Variants in EYA4 observed in about 807,000 individuals in gnomAD.
EYA4 encodes protein phosphatase EYA4.
Under a neutral mutation model 87.9 loss-of-function variants are expected in EYA4, and 31 were observed. The ratio of observed to expected loss-of-function variants is 0.35; its 90% CI spans 0.27 to 0.48. EYA4 has a LOEUF of 0.48. EYA4 is among the 20% of genes least tolerant of loss of function. The pLI is 0.99. For missense variants in EYA4, 678 were observed against 761.4 expected (o/e 0.89, Z 1.29); for synonymous variants, 263 against 270.6 (o/e 0.97, Z 0.28).
intron 2 of EYA4, among the ~76,000 whole-genome samples, chr6:133,316,037 G>T (rs762668333): frequency 3.9e-5 from 6 of 152,100 alleles, no homozygotes; most frequent in Non-Finnish European, 8.8e-5. Context: ...AGGGCATCCC[G>T]CAGACCCTGG....
rs1237400416 is a variant in EYA4 at position 133,436,268 on chromosome 6, AC to A, written c.84-10361del. 1.1e-4 allele frequency among the ~76,000 whole-genome samples: 17 copies of A among 152,100 alleles called. 1 individual carries two copies. Among genetic ancestry groups the A allele is most frequent in the African/African-American group, 4.1e-4 (17 of 41,498 alleles). On this transcript the variant is annotated intron_variant, in intron 3 of 19. Coordinates refer to ENST00000355286, the MANE Select transcript of EYA4 (RefSeq NM_004100.5). ...TTTCCACATGCATTTCCATCAGAGA[AC>A]TAATTCCATCTCCCCTTACCTAGCC... is the stretch of plus-strand genomic sequence containing the variant.
At chr6:133,251,639 G>A (rs954067897) in intron 1 of EYA4, among the ~76,000 whole-genome samples, 5 of 152,082 alleles carry the variant, frequency 3.3e-5, no homozygotes, top group African/African-American at 1.2e-4. Flanking sequence ...ATTTTGGGCT[G>A]GATAATTTAT....
chr6:133,296,629 T>C (rs1037840289), intron 2 of EYA4, among the ~76,000 whole-genome samples: 4 of 152,166 alleles, frequency 2.6e-5, no homozygotes, highest in African/African-American at 9.7e-5. Context: ...CTAAGTATTA[T>C]GATGAGAAGC....
intron 2 of EYA4, among the ~76,000 whole-genome samples, chr6:133,347,329 G>C (rs567432012): frequency 6.6e-6 from 1 of 151,800 alleles, no homozygotes; most frequent in East Asian, 1.9e-4. Context: ...TACTTTATTA[G>C]GTTCTTGAGG....
chr6:133,320,549 AG>A (rs1421178969), intron 2 of EYA4, among the ~76,000 whole-genome samples: 1 of 151,222 alleles, frequency 6.6e-6, no homozygotes, highest in African/African-American at 2.4e-5. Flanking sequence ...TTATAAATTC[AG>A]GGGGTACATG....
At chr6:133,413,960 A>G (rs1298472044) in intron 3 of EYA4, among the ~76,000 whole-genome samples, 1 of 152,124 alleles carries the variant, frequency 6.6e-6, no homozygotes, top group Non-Finnish European at 1.5e-5. Flanking sequence ...CTCTCCTCGT[A>G]TTTAATCAAT....
chr6:133,407,308 T>G (rs986945917), intron 3 of EYA4, among the ~76,000 whole-genome samples: 1 of 151,742 alleles, frequency 6.6e-6, no homozygotes, highest in Non-Finnish European at 1.5e-5. Flanking sequence ...TTATTTAGAT[T>G]ATTCTACATA....
At chr6:133,469,571 C>A (rs1562458816) in intron 11 of EYA4, among the ~76,000 whole-genome samples, 1 of 151,824 alleles carries the variant, frequency 6.6e-6, no homozygotes, top group African/African-American at 2.4e-5. Flanking sequence ...ATTTTTGAAT[C>A]AGGATACAAA....
At chr6:133,496,505 A>G (rs1797659274) in intron 13 of EYA4, among the ~76,000 whole-genome samples, 2 of 152,260 alleles carry the variant, frequency 1.3e-5, no homozygotes, top group South Asian at 2.1e-4. Context: ...ACCCTTCCCC[A>G]TCATTCTTGG....
At chr6:133,269,251 T>G (rs75106170) in intron 1 of EYA4, among the ~76,000 whole-genome samples, 1 of 152,124 alleles carries the variant, frequency 6.6e-6, no homozygotes, top group African/African-American at 2.4e-5. Context: ...AGAGCAGGAC[T>G]TCATCTCAAA....
intron 3 of EYA4, among the ~76,000 whole-genome samples, chr6:133,406,377 C>A (rs191768458): frequency 6.6e-6 from 1 of 152,280 alleles, no homozygotes; most frequent in South Asian, 2.1e-4. Context: ...CATCAAACTG[C>A]ACCTTGAGAG....
At chr6:133,274,293 G>A (rs1416626817) in intron 1 of EYA4, among the ~76,000 whole-genome samples, 1 of 152,104 alleles carries the variant, frequency 6.6e-6, no homozygotes, top group African/African-American at 2.4e-5. Flanking sequence ...AAATTTTCCT[G>A]TAAGAGAAAG....
At chr6:133,416,860 G>A (rs1453817728) in intron 3 of EYA4, among the ~76,000 whole-genome samples, 1 of 152,158 alleles carries the variant, frequency 6.6e-6, no homozygotes, top group Non-Finnish European at 1.5e-5. Context: ...TCCCTATAGC[G>A]TTCAAACGGA....
At chr6:133,488,930 A>G (rs979115418) in intron 13 of EYA4, among the ~76,000 whole-genome samples, 3 of 152,220 alleles carry the variant, frequency 2.0e-5, no homozygotes, top group East Asian at 1.9e-4. Flanking sequence ...CCAGTGATCA[A>G]TCCTAGAGAG....
intron 3 of EYA4, chr6:133,434,931 C>T (rs1358003049): frequency 2.0e-5 from 3 of 152,186 alleles, no homozygotes; most frequent in Admixed American, 6.5e-5. Context: ...TAATTTTCTG[C>T]TTCATTAATG....
At chr6:133,270,608 C>T (rs568031761) in intron 1 of EYA4, among the ~76,000 whole-genome samples, 1 of 152,286 alleles carries the variant, frequency 6.6e-6, no homozygotes, top group Admixed American at 6.5e-5. Context: ...TTCCCTTTGC[C>T]TTCAGCAAGC....
intron 2 of EYA4, among the ~76,000 whole-genome samples, chr6:133,312,004 G>A (rs975178430): frequency 6.6e-6 from 1 of 152,116 alleles, no homozygotes; most frequent in Non-Finnish European, 1.5e-5. Context: ...TGAAGAATAG[G>A]TTCATGATTT....
intron 3 of EYA4, among the ~76,000 whole-genome samples, chr6:133,410,629 G>GTTTTTTTTTTTTTTTTTTTTTTTTTT (rs1554252058): frequency 3.8e-4 from 56 of 148,448 alleles, no homozygotes; most frequent in Non-Finnish European, 6.8e-4. Context: ...TAGAACTAAG[G>GTTTTTTTTTTTTTTTTTTTTTTTTTT]TCTTAATTCC....
chr6:133,441,436 T>G (rs1337765103), intron 3 of EYA4, among the ~76,000 whole-genome samples: 3 of 152,246 alleles, frequency 2.0e-5, no homozygotes, highest in Non-Finnish European at 4.4e-5. Flanking sequence ...AAATTTTCTT[T>G]TTAATTCTCA....
Sources: allele counts gnomAD v4.1 joint callset (sites outside exome capture counted in the v4.1 genomes callset), GRCh38; gene constraint gnomAD v4.1.1; transcripts MANE v1.5; gene names NCBI Gene and HGNC (gene_info 2026-07-23, HGNC 2026-07-21).